Variants in GPC6 observed in about 807,000 individuals in gnomAD.
GPC6 encodes the protein glypican-6.
GPC6 carries 14 observed loss-of-function variants against 55.2 expected under a neutral mutation model. The observed-to-expected ratio is 0.25, with a 90% CI of 0.17 to 0.40. The LOEUF is 0.40. GPC6 is among the 10% of genes least tolerant of loss of function. The probability of loss-of-function intolerance (pLI) is 1.00; values close to 1 mark genes in which losing one functional copy is unlikely to be tolerated. For missense variants in GPC6, 641 were observed against 708.5 expected (o/e 0.90, Z 1.08); for synonymous variants, 278 against 259.6 (o/e 1.07, Z -0.68).
At chr13:93,757,929 G>C (rs1465656557) in intron 2 of GPC6, among the ~76,000 whole-genome samples, 1 of 152,146 alleles carries the variant, frequency 6.6e-6, no homozygotes, top group Non-Finnish European at 1.5e-5. Flanking sequence ...TATCTTCAGG[G>C]ACTGAAAAAT....
chr13:94,306,028 G>T lies in GPC6; in HGVS notation c.1057G>T (p.Ala353Ser). ...QPKPAPALRS[A>S]RSAPENFNTR... The stretch of plus-strand genomic sequence containing the variant: ...CAAACCTGCTCCAGCCCTCAGATCT[G>T]CCCGCTCAGCTCCTGAAAATTTTAA... Residue 353 changes from alanine (A) to serine (S), a missense_variant, in exon 6 of 9, where the codon GCC becomes TCC. Physicochemically the swap from Ala to Ser is moderately conservative, Grantham distance 99 (BLOSUM62 1). Transcript: ENST00000377047. 6.2e-7 allele frequency: 1 copy of T among 1,614,112 alleles called. No individual in the cohort carries two copies. The highest frequency in any genetic ancestry group is 8.5e-7 in the Non-Finnish European group (1 of 1,180,010).
At chr13:93,770,091 A>C (rs73547588) in intron 2 of GPC6, among the ~76,000 whole-genome samples, 1 of 152,096 alleles carries the variant, frequency 6.6e-6, no homozygotes. Context: ...TGAGGGCCAA[A>C]ATAGTGCATG....
At chr13:94,362,531 A>G (rs1594206502) in intron 6 of GPC6, among the ~76,000 whole-genome samples, 1 of 152,164 alleles carries the variant, frequency 6.6e-6, no homozygotes, top group East Asian at 1.9e-4. Flanking sequence ...ATTCTCGGGG[A>G]TAAGACTGGT....
chr13:93,761,850 T>C (rs553916670), intron 2 of GPC6, among the ~76,000 whole-genome samples: 1 of 152,216 alleles, frequency 6.6e-6, no homozygotes, highest in Non-Finnish European at 1.5e-5. Context: ...TCATCTGAAA[T>C]ACTATCATTT....
At chr13:93,714,777 G>A (rs1883192743) in intron 2 of GPC6, among the ~76,000 whole-genome samples, 1 of 151,562 alleles carries the variant, frequency 6.6e-6, no homozygotes, top group Non-Finnish European at 1.5e-5. Flanking sequence ...AGACATGCTG[G>A]GAGGGTCTTA....
chr13:93,365,660 G>A (rs1881219970), intron 1 of GPC6, among the ~76,000 whole-genome samples: 1 of 151,914 alleles, frequency 6.6e-6, no homozygotes, highest in South Asian at 2.1e-4. Flanking sequence ...CAAATTTTAG[G>A]GCAAATTTAT....
chr13:93,801,651 G>A (rs1886374283), intron 2 of GPC6, among the ~76,000 whole-genome samples: 1 of 152,078 alleles, frequency 6.6e-6, no homozygotes, highest in South Asian at 2.1e-4. Flanking sequence ...GCCAAAAAGA[G>A]AGAAAAATTG....
chr13:93,645,247 G>GTT (rs11341783), intron 2 of GPC6, among the ~76,000 whole-genome samples: 5 of 144,762 alleles, frequency 3.5e-5, no homozygotes, highest in African/African-American at 1.0e-4. Context: ...AGAGCCTACT[G>GTT]TTTTTTTTTT....
intron 2 of GPC6, among the ~76,000 whole-genome samples, chr13:93,677,150 T>C (rs962849740): frequency 2.6e-5 from 4 of 152,050 alleles, no homozygotes; most frequent in African/African-American, 9.7e-5. Context: ...ATTGAAGCAA[T>C]AGTTTTAGTA....
chr13:93,663,364 A>G (rs889973554), intron 2 of GPC6, among the ~76,000 whole-genome samples: 3 of 152,316 alleles, frequency 2.0e-5, no homozygotes, highest in Non-Finnish European at 4.4e-5. Flanking sequence ...GTTGATGTTC[A>G]TATATGAAGT....
At chr13:93,699,091 A>T (rs1882580084) in intron 2 of GPC6, among the ~76,000 whole-genome samples, 2 of 152,088 alleles carry the variant, frequency 1.3e-5, no homozygotes, top group Admixed American at 6.6e-5. Flanking sequence ...TGAAAAAGTA[A>T]AGAGTTAATT....
rs148411948 is a variant in GPC6 at position 93,958,419 on chromosome 13, G to A, written c.712-69310G>A. 8.8e-3 allele frequency among the ~76,000 whole-genome samples: 1,340 copies of A among 152,224 alleles called. 5 individuals are homozygous for A. Among genetic ancestry groups the A allele is most frequent in the Non-Finnish European group, 0.014 (956 of 68,008 alleles). The stretch of plus-strand genomic sequence containing the variant: ...AGAATCCAGTTTTTGTACATTGCTA[G>A]CCAGTTATCCCAGAACCATCTATTG... On this transcript the variant is annotated intron_variant, in intron 3 of 8. Transcript: ENST00000377047.
intron 1 of GPC6, among the ~76,000 whole-genome samples, chr13:93,272,492 G>GTATATATA (rs61556173): frequency 0.021 from 2,894 of 137,030 alleles, 40 homozygotes; most frequent in Non-Finnish European, 0.026. Context: ...TTGTCTGTGT[G>GTATATATA]TATATATATA....
intron 1 of GPC6, among the ~76,000 whole-genome samples, chr13:93,522,890 A>G (rs1336058088): frequency 6.6e-6 from 1 of 151,904 alleles, no homozygotes; most frequent in Non-Finnish European, 1.5e-5. Context: ...CATTTCAGTG[A>G]TTTTGTTTAG....
At chr13:94,401,734 C>A (rs1881138715) in intron 8 of GPC6, among the ~76,000 whole-genome samples, 1 of 152,128 alleles carries the variant, frequency 6.6e-6, no homozygotes, top group South Asian at 2.1e-4. Flanking sequence ...TTTTACATGT[C>A]ATAAAATATT....
At chr13:94,327,111 G>A (rs1006850096) in intron 6 of GPC6, among the ~76,000 whole-genome samples, 3 of 152,184 alleles carry the variant, frequency 2.0e-5, no homozygotes. Flanking sequence ...GGCATAGAAA[G>A]GGGAATTTGT....
intron 3 of GPC6, among the ~76,000 whole-genome samples, chr13:93,968,635 C>A (rs1307311853): frequency 1.3e-5 from 2 of 152,082 alleles, no homozygotes; most frequent in African/African-American, 4.8e-5. Flanking sequence ...TAGCCATACA[C>A]TTTCATATCC....
chr13:94,062,431 A>G (rs1474226886), intron 4 of GPC6, among the ~76,000 whole-genome samples: 1 of 151,944 alleles, frequency 6.6e-6, no homozygotes, highest in Non-Finnish European at 1.5e-5. Flanking sequence ...CTGTATTTTT[A>G]GTAGAGACCA....
At chr13:93,589,308 G>T (rs1877355678) in intron 2 of GPC6, among the ~76,000 whole-genome samples, 1 of 152,082 alleles carries the variant, frequency 6.6e-6, no homozygotes, top group East Asian at 1.9e-4. Flanking sequence ...AACATTGAAA[G>T]AATTTTGCAC....
Sources: gnomAD v4.1 joint callset for allele counts (sites outside exome capture counted in the v4.1 genomes callset) on GRCh38, gnomAD v4.1.1 for gene constraint, MANE v1.5 for transcripts, NCBI Gene and HGNC (gene_info 2026-07-23, HGNC 2026-07-21) for gene names.